ELOVL7: variants seen among roughly 807,000 people sequenced by gnomAD.
ELOVL7 encodes the protein very long chain fatty acid elongase 7.
A neutral mutation model predicts 35.7 loss-of-function variants in ELOVL7; 27 were observed. The observed-to-expected ratio is 0.76, with a 90% confidence interval of 0.56 to 1.04. ELOVL7 has a LOEUF of 1.04. ELOVL7 is among the 50% of genes least tolerant of loss of function. The pLI is 0.00. For synonymous variants in ELOVL7, 113 were observed against 114.6 expected (o/e 0.99, Z 0.09); for missense variants, 327 against 340.8 (o/e 0.96, Z 0.32).
chr5:60,787,962 T>C (rs1318765912), intron 2 of ELOVL7, among the ~76,000 whole-genome samples: 1 of 152,196 alleles, frequency 6.6e-6, no homozygotes, highest in Admixed American at 6.5e-5. Flanking sequence ...AAGGAAAAGC[T>C]GCTTAGTTTA....
chr5:60,820,565 C>A (rs1230373057), intron 1 of ELOVL7, among the ~76,000 whole-genome samples: 2 of 152,180 alleles, frequency 1.3e-5, no homozygotes. Context: ...GCCCAATGGA[C>A]AATTCTATGC....
chr5:60,820,463 T>C (rs1745817546), intron 1 of ELOVL7, among the ~76,000 whole-genome samples: 1 of 152,212 alleles, frequency 6.6e-6, no homozygotes, highest in South Asian at 2.1e-4. Flanking sequence ...TTAAGAACCA[T>C]TTGTCAAGCC....
chr5:60,823,357 T>C (rs1051490946), intron 1 of ELOVL7, among the ~76,000 whole-genome samples: 1 of 152,114 alleles, frequency 6.6e-6, no homozygotes, highest in Non-Finnish European at 1.5e-5. Context: ...CCTTCCTACA[T>C]GCGCCCATAG....
At chr5:60,835,190 G>GA (rs60918884) in intron 1 of ELOVL7, among the ~76,000 whole-genome samples, 4,099 of 81,266 alleles carry the variant, frequency 0.05, 144 homozygotes, top group African/African-American at 0.1. Context: ...ATCCCATCTT[G>GA]AAAAAAAAAA....
chr5:60,832,369 A>AT (rs879262823), intron 1 of ELOVL7, among the ~76,000 whole-genome samples: 213 of 146,422 alleles, frequency 1.5e-3, no homozygotes, highest in Non-Finnish European at 1.6e-3. Flanking sequence ...GGATTGATAG[A>AT]TTTTTTTTTT....
At chr5:60,772,496 T>C (rs1742659010) in intron 3 of ELOVL7, among the ~76,000 whole-genome samples, 2 of 152,120 alleles carry the variant, frequency 1.3e-5, no homozygotes, top group African/African-American at 4.8e-5. Context: ...GAGAAATAAA[T>C]TTCCACTGCT....
intron 1 of ELOVL7, among the ~76,000 whole-genome samples, chr5:60,821,284 C>T (rs1745869913): frequency 6.6e-6 from 1 of 152,212 alleles, no homozygotes; most frequent in South Asian, 2.1e-4. Flanking sequence ...ACTGTCCCTG[C>T]TGGACTTCTA....
chr5:60,798,638 G>T (rs550307992), intron 2 of ELOVL7, among the ~76,000 whole-genome samples: 1 of 151,994 alleles, frequency 6.6e-6, no homozygotes, highest in South Asian at 2.1e-4. Context: ...GTGATAAAGG[G>T]GTCAATTCAT....
At chr5:60,834,144 A>C (rs889691062) in intron 1 of ELOVL7, among the ~76,000 whole-genome samples, 1 of 151,836 alleles carries the variant, frequency 6.6e-6, no homozygotes, top group Non-Finnish European at 1.5e-5. Context: ...ATTGGTTCAC[A>C]TTATTTTTTT....
At chr5:60,838,719 T>C (rs181501359) in intron 1 of ELOVL7, among the ~76,000 whole-genome samples, 99 of 152,282 alleles carry the variant, frequency 6.5e-4, no homozygotes, top group Non-Finnish European at 2.6e-4. Flanking sequence ...ATTTGAATAA[T>C]AGTCTGTTTA....
intron 4 of ELOVL7, chr5:60,768,671 G>A (rs1742393178): frequency 6.6e-6 from 3 of 455,800 alleles, no homozygotes; most frequent in Non-Finnish European, 1.3e-5. Flanking sequence ...TGGTGGGAAG[G>A]TCTTCTTTTA....
At chr5:60,816,756 G>A (rs771052695) in intron 1 of ELOVL7, among the ~76,000 whole-genome samples, 2 of 152,078 alleles carry the variant, frequency 1.3e-5, no homozygotes, top group Non-Finnish European at 2.9e-5. Flanking sequence ...TAAATTATTG[G>A]GGAAAATACA....
At chr5:60,802,726 A>G (rs1223397978) in intron 1 of ELOVL7, 1 of 152,224 alleles carries the variant, frequency 6.6e-6, no homozygotes, top group Admixed American at 6.5e-5. Flanking sequence ...AAATTAGACC[A>G]TAAGCCTTGT....
intron 1 of ELOVL7, among the ~76,000 whole-genome samples, chr5:60,823,605 A>G (rs1746009370): frequency 6.6e-6 from 1 of 152,250 alleles, no homozygotes; most frequent in South Asian, 2.1e-4. Context: ...AGTGGGATCA[A>G]TTGCCAAGGG....
rs1408063443 is a variant in ELOVL7, at chr5:60,784,054, TCCC to T, written c.64+3277_64+3279del. The T allele has an allele frequency of 4.4e-6, 4 of 908,410 alleles. No individual in the cohort carries two copies. In the East Asian group the frequency reaches 1.0e-4, roughly 24 times the overall value. The allele number at this position is 908,410 out of a possible 1,614,324, so 56.3% of individuals were successfully genotyped here. On this transcript the variant is annotated intron_variant, in intron 3 of 8. Coordinates refer to ENST00000508821, the MANE Select transcript of ELOVL7 (RefSeq NM_024930.3). Reference sequence around the variant, plus strand: ...GCTTAATAATTCGTTTCTAAGAGTGTCCCAGGGAGAGAGCATAGGGAAAGTAGA... The same window carrying T: ...GCTTAATAATTCGTTTCTAAGAGTGTAGGGAGAGAGCATAGGGAAAGTAGA...
At chr5:60,835,825 G>A (rs1224243935) in intron 1 of ELOVL7, among the ~76,000 whole-genome samples, 2 of 151,922 alleles carry the variant, frequency 1.3e-5, no homozygotes, top group East Asian at 3.9e-4. Flanking sequence ...TTGCACTTAC[G>A]TTTCATAAGT....
chr5:60,843,056 C>G (rs75324963), intron 1 of ELOVL7, among the ~76,000 whole-genome samples: 5,869 of 151,882 alleles, frequency 0.039, 133 homozygotes, highest in African/African-American at 0.057. Flanking sequence ...ATGACCCTTT[C>G]GGAGCACGTA....
intron 1 of ELOVL7, among the ~76,000 whole-genome samples, chr5:60,829,523 T>C (rs1448243748): frequency 6.6e-6 from 1 of 152,222 alleles, no homozygotes; most frequent in Non-Finnish European, 1.5e-5. Context: ...CTATCTTTTA[T>C]ATTTACCATG....
chr5:60,840,033 A>C (rs1192250302), intron 1 of ELOVL7, among the ~76,000 whole-genome samples: 2 of 152,086 alleles, frequency 1.3e-5, no homozygotes, highest in East Asian at 3.8e-4. Flanking sequence ...TGTATCTTAA[A>C]ACTGATAAGC....
Sources: gnomAD v4.1 joint callset for allele counts (sites outside exome capture counted in the v4.1 genomes callset) on GRCh38, gnomAD v4.1.1 for gene constraint, MANE v1.5 for transcripts, NCBI Gene and HGNC (gene_info 2026-07-23, HGNC 2026-07-21) for gene names.